Variants in PNOC observed in about 807,000 individuals in gnomAD.
PNOC encodes the protein prepronociceptin.
PNOC carries 10 observed loss-of-function variants against 15.6 expected under a neutral mutation model. The observed-to-expected ratio is 0.64, with a 90% confidence interval of 0.40 to 1.09. PNOC has a LOEUF of 1.09. Among genes scored for constraint, PNOC ranks in the 50% least tolerant of loss-of-function variants. The probability of loss-of-function intolerance (pLI) is 0.01; values close to 1 mark genes in which losing one functional copy is unlikely to be tolerated. For missense variants in PNOC, 220 were observed against 223.9 expected (o/e 0.98, Z 0.11); for synonymous variants, 98 against 88.5 (o/e 1.11, Z -0.60).
chr8:28,334,794 C>G (rs1585837330), intron 2 of PNOC, among the ~76,000 whole-genome samples: 1 of 152,192 alleles, frequency 6.6e-6, no homozygotes, highest in South Asian at 2.1e-4. Flanking sequence ...ATGCCCAGCA[C>G]AGTAGCAATT....
intron 1 of PNOC, among the ~76,000 whole-genome samples, chr8:28,328,595 A>T (rs1002759820): frequency 6.6e-5 from 10 of 152,110 alleles, no homozygotes; most frequent in Non-Finnish European, 1.5e-4. Flanking sequence ...TCATTAATAA[A>T]TGTCATATTT....
chr8:28,343,030 G>A lies in PNOC; in HGVS notation c.*136G>A, dbSNP rs558807680. On this transcript the variant is annotated 3_prime_UTR_variant, in exon 4 of 4. Coordinates refer to ENST00000301908, the MANE Select transcript of PNOC (RefSeq NM_006228.5). ...TTCCTTCTTCCCCAAGGCACTGAGC[G>A]CCTGCAGATCCCGCAGGCTTCGTTT... The A allele has an allele frequency of 5.1e-6, 5 of 984,032 alleles. No individual in the cohort carries two copies. The highest frequency in any genetic ancestry group is 1.7e-5 in the African/African-American group (1 of 57,222). 61.0% of individuals were successfully genotyped at this position (984,032 alleles called of 1,614,324 possible).
rs1801432066 is a variant in PNOC at position 28,337,576 on chromosome 8, GTTTCCTTTTT to G, written c.127-1460_127-1451del. 4.2e-5 allele frequency among the ~76,000 whole-genome samples: 5 copies of G among 119,428 alleles called. No homozygotes were observed. In the Admixed American group the frequency reaches 5.1e-4, roughly 12 times the overall value. The allele number at this position is 119,428 out of a possible 152,430, so 78.3% of individuals were successfully genotyped here. ...TGGCCTCCCAAAGTTCTGGGATTAC[GTTTCCTTTTT>G]TTTTTTTTTTTTTTGAGACGGAGTC... On this transcript the variant is annotated intron_variant, in intron 2 of 3. Coordinates refer to ENST00000301908, the MANE Select transcript of PNOC (RefSeq NM_006228.5).
At chr8:28,328,510 A>T (rs2722906) in intron 1 of PNOC, among the ~76,000 whole-genome samples, 1 of 151,740 alleles carries the variant, frequency 6.6e-6, no homozygotes, top group African/African-American at 2.4e-5. Context: ...GGAAGAGAGA[A>T]TTCGGGGTAT....
chr8:28,339,377 A>G lies in PNOC; in HGVS notation c.464A>G (p.Gln155Arg), dbSNP rs1307025022. 2 of 1,595,310 alleles carry G rather than the reference A, an allele frequency of 1.3e-6. No individual in the cohort carries two copies. Among genetic ancestry groups the G allele is most frequent in the Non-Finnish European group, 1.7e-6 (2 of 1,168,388 alleles). The stretch of plus-strand genomic sequence containing the variant: ...AAGCGGTTCAGTGAGTTTATGAGGC[A>G]ATACTTGGTCCTGAGCATGCAGTCC... ...NQKRFSEFMR[Q>R]YLVLSMQSSQ... is the part of the protein sequence containing the mutation. The change falls in exon 3 of 4, where the codon CAA becomes CGA. Residue 155 changes from glutamine to arginine, a missense_variant. By Grantham distance (43) the Gln-to-Arg change is conservative. Transcript: ENST00000301908.
intron 1 of PNOC, among the ~76,000 whole-genome samples, chr8:28,323,274 T>C (rs921729973): frequency 6.6e-6 from 1 of 152,186 alleles, no homozygotes; most frequent in African/African-American, 2.4e-5. Flanking sequence ...AAAAGGCAAT[T>C]CAACATTTCT....
intron 2 of PNOC, among the ~76,000 whole-genome samples, chr8:28,335,032 G>A (rs755114809): frequency 7.9e-5 from 12 of 152,196 alleles, no homozygotes; most frequent in Non-Finnish European, 1.2e-4. Flanking sequence ...CACGGCGTGA[G>A]CATCACTAGG....
intron 1 of PNOC, among the ~76,000 whole-genome samples, chr8:28,319,099 C>A (rs976209283): frequency 6.6e-6 from 1 of 151,972 alleles, no homozygotes; most frequent in Non-Finnish European, 1.5e-5. Flanking sequence ...GGCGCTTTCA[C>A]ACCTATTATC....
chr8:28,317,931 T>C (rs1165814679), intron 1 of PNOC, among the ~76,000 whole-genome samples: 1 of 152,166 alleles, frequency 6.6e-6, no homozygotes, highest in East Asian at 1.9e-4. Context: ...ATACACACAC[T>C]GCTGAGCGCC....
chr8:28,326,895 T>C (rs1801233886), intron 1 of PNOC, among the ~76,000 whole-genome samples: 1 of 152,144 alleles, frequency 6.6e-6, no homozygotes, highest in Non-Finnish European at 1.5e-5. Context: ...ATGCAGATCC[T>C]GATTCAGTGG....
chr8:28,324,270 G>A (rs377701223), intron 1 of PNOC, among the ~76,000 whole-genome samples: 15 of 152,174 alleles, frequency 9.9e-5, no homozygotes, highest in African/African-American at 2.9e-4. Context: ...ATTTTGGCAA[G>A]CATCAGTCAA....
intron 1 of PNOC, among the ~76,000 whole-genome samples, chr8:28,321,834 C>T (rs1017960675): frequency 6.6e-6 from 1 of 152,182 alleles, no homozygotes; most frequent in Non-Finnish European, 1.5e-5. Context: ...TCCTCTATGC[C>T]GTCCCCCTCT....
At chr8:28,321,503 C>G (rs537570246) in intron 1 of PNOC, among the ~76,000 whole-genome samples, 1 of 152,078 alleles carries the variant, frequency 6.6e-6, no homozygotes, top group Non-Finnish European at 1.5e-5. Context: ...CTCATGCTGC[C>G]CGGAAGCTAC....
At chr8:28,321,922 G>T (rs1429979388) in intron 1 of PNOC, among the ~76,000 whole-genome samples, 1 of 152,190 alleles carries the variant, frequency 6.6e-6, no homozygotes, top group Non-Finnish European at 1.5e-5. Context: ...AGAAACTAAA[G>T]CAGCCTCTCT....
At chr8:28,330,400 T>TTTTTTTATTTTTTTTTTTA in intron 2 of PNOC, among the ~76,000 whole-genome samples, 1 of 102,228 alleles carries the variant, frequency 9.8e-6, no homozygotes, top group South Asian at 3.1e-4. Flanking sequence ...TATTTTATTT[T>TTTTTTTATTTTTTTTTTTA]TTTTTTTTTT....
rs929333823 is a variant in PNOC at position 28,339,135 on chromosome 8, T to C, written c.222T>C (p.Pro74=). ...CCAGGAGCTCTTGGCAGCTCAGCCCTGCCGCCCCAGAGCATGTGGCGGCTG... is the reference window on the plus strand; with the variant it reads ...CCAGGAGCTCTTGGCAGCTCAGCCCCGCCGCCCCAGAGCATGTGGCGGCTG... ...VMARSSWQLS[P]AAPEHVAAAL... The change falls in exon 3 of 4, where the codon CCT becomes CCC. Residue 74 remains proline, a synonymous_variant. Coordinates refer to ENST00000301908, the MANE Select transcript of PNOC (RefSeq NM_006228.5). 6 of 1,612,928 alleles carry C rather than the reference T, an allele frequency of 3.7e-6. No individual in the cohort carries two copies. The Admixed American group carries it at 8.3e-5, about 22-fold the overall frequency.
intron 2 of PNOC, among the ~76,000 whole-genome samples, chr8:28,333,241 G>A (rs146439834): frequency 6.6e-6 from 1 of 152,240 alleles, no homozygotes; most frequent in Non-Finnish European, 1.5e-5. Flanking sequence ...TCATATGCCT[G>A]TTTCCCACTT....
At chr8:28,326,977 C>T (rs533475597) in intron 1 of PNOC, among the ~76,000 whole-genome samples, 1 of 152,290 alleles carries the variant, frequency 6.6e-6, no homozygotes, top group South Asian at 2.1e-4. Context: ...ATTGGAGTAC[C>T]AAGACCTTCT....
At chr8:28,321,738 T>G (rs1386995216) in intron 1 of PNOC, among the ~76,000 whole-genome samples, 1 of 152,224 alleles carries the variant, frequency 6.6e-6, no homozygotes. Context: ...CTCTTGTTTC[T>G]GAGCACAGCT....
Sources: allele counts gnomAD v4.1 joint callset (sites outside exome capture counted in the v4.1 genomes callset), GRCh38; gene constraint gnomAD v4.1.1; transcripts MANE v1.5; gene names NCBI Gene and HGNC (gene_info 2026-07-23, HGNC 2026-07-21).